The following PDE7A variants were observed in gnomAD, a reference collection of about 807,000 sequenced individuals.
PDE7A encodes high affinity 3',5'-cyclic-AMP phosphodiesterase 7A.
PDE7A carries 39 observed loss-of-function variants against 64.3 expected under a neutral mutation model. That is an observed-to-expected ratio of 0.61 (90% CI 0.47 to 0.79). The LOEUF (loss-of-function observed/expected upper bound fraction) is 0.79, where lower values mean the gene tolerates loss of function less well. PDE7A is among the 30% of genes least tolerant of loss of function. PDE7A has a pLI of 0.00. For missense variants in PDE7A, 470 were observed against 582.8 expected, an observed-to-expected ratio of 0.81 and a Z score of 1.99; for synonymous variants, 203 against 206.8, an observed-to-expected ratio of 0.98 and a Z score of 0.16.
intron 3 of PDE7A, among the ~76,000 whole-genome samples, chr8:65,771,586 G>A (rs1030979727): frequency 4.6e-5 from 7 of 152,036 alleles, no homozygotes; most frequent in East Asian, 1.9e-4. Flanking sequence ...CTGGCTGGGC[G>A]CACGCAGTGG....
rs190662213 is a variant in PDE7A at position 65,780,098 on chromosome 8, C to T, written c.200-295G>A. ...AGGATTCAAGTGTATGATAAGATGA[C>T]CTAATATATTATTCACATGGGCAAC... is the stretch of plus-strand genomic sequence containing the variant. On this transcript the variant is annotated intron_variant, in intron 2 of 12. Transcript: ENST00000401827. Among the ~76,000 whole-genome samples, 8 of 150,984 alleles carry T rather than the reference C, an allele frequency of 5.3e-5. No homozygotes were observed. In the East Asian group the frequency reaches 1.4e-3, roughly 26 times the overall value.
intron 1 of PDE7A, among the ~76,000 whole-genome samples, chr8:65,794,727 T>A (rs748599107): frequency 3.0e-4 from 46 of 152,206 alleles, no homozygotes; most frequent in Admixed American, 1.2e-3. Context: ...GAGATTGAGA[T>A]CTTCACTGTG....
intron 1 of PDE7A, among the ~76,000 whole-genome samples, chr8:65,836,361 T>C (rs1344807919): frequency 6.6e-6 from 1 of 152,242 alleles, no homozygotes. Context: ...TCTTGCTTAC[T>C]GCAATTTAAA....
At chr8:65,810,265 C>G (rs1377429267) in intron 1 of PDE7A, among the ~76,000 whole-genome samples, 1 of 150,198 alleles carries the variant, frequency 6.7e-6, no homozygotes, top group Admixed American at 6.7e-5. Context: ...CCAAACACCG[C>G]ATGTTCTCAC....
chr8:65,716,200 A>T lies in PDE7A; in HGVS notation c.*3090T>A, dbSNP rs1806139608. 6.6e-6 allele frequency among the ~76,000 whole-genome samples: 1 copy of T among 151,688 alleles called. No individual in the cohort carries two copies. Among genetic ancestry groups the T allele is most frequent in the Non-Finnish European group, 1.5e-5 (1 of 67,942 alleles). On this transcript the variant is annotated 3_prime_UTR_variant, in exon 13 of 13. Transcript: ENST00000401827. ...TAGAAGGTGATTCCCACATATACAT[A>T]ATAAAACAACTTTTCAATGGGTTTA...
At chr8:65,776,967 T>C (rs1809276871) in intron 3 of PDE7A, among the ~76,000 whole-genome samples, 1 of 152,188 alleles carries the variant, frequency 6.6e-6, no homozygotes, top group Non-Finnish European at 1.5e-5. Context: ...GCATTAAATA[T>C]GATGTTTGCT....
intron 1 of PDE7A, among the ~76,000 whole-genome samples, chr8:65,808,366 G>A (rs1016679461): frequency 1.3e-5 from 2 of 152,036 alleles, no homozygotes; most frequent in African/African-American, 4.8e-5. Flanking sequence ...ACAAAATACT[G>A]TATATATCTG....
At chr8:65,789,670 G>A (rs185855422) in intron 1 of PDE7A, among the ~76,000 whole-genome samples, 110 of 152,212 alleles carry the variant, frequency 7.2e-4, no homozygotes, top group African/African-American at 2.3e-3. Context: ...TCTTGTTCTC[G>A]CGGCTGTAAG....
intron 3 of PDE7A, among the ~76,000 whole-genome samples, chr8:65,759,016 C>A (rs1439816076): frequency 6.6e-6 from 1 of 152,250 alleles, no homozygotes; most frequent in East Asian, 1.9e-4. Flanking sequence ...GCAAAAGGAA[C>A]ATGTCTTGAC....
At position 65,812,200 on chromosome 8, in the gene PDE7A, G is replaced by A. The variant is rs1377137478; in HGVS notation, c.138+29171C>T. On this transcript the variant is annotated intron_variant, in intron 1 of 12. Transcript: ENST00000401827. The stretch of plus-strand genomic sequence containing the variant: ...CCAGCCTGGGTGACAGCGCGAGACC[G>A]TTTCAAAAACAGAAAAAAAAAAAAA... 6.3e-5 allele frequency among the ~76,000 whole-genome samples: 9 copies of A among 143,290 alleles called. No homozygotes were observed. The East Asian group carries it at 8.3e-4, about 13-fold the overall frequency. The allele number at this position is 143,290 out of a possible 152,430, so 94.0% of individuals were successfully genotyped here.
At position 65,716,968 on chromosome 8, in the gene PDE7A, A is replaced by C. The variant is rs1312071889; in HGVS notation, c.*2322T>G. On this transcript the variant is annotated 3_prime_UTR_variant, in exon 13 of 13. Transcript: ENST00000401827. ...TGGGTGCCTGAGATATGACTAGTCC[A>C]AATTGAGATGTGCTGTAAGTACACA... is the stretch of plus-strand genomic sequence containing the variant. 2.0e-5 allele frequency among the ~76,000 whole-genome samples: 3 copies of C among 152,212 alleles called. No individual in the cohort carries two copies. Among genetic ancestry groups the C allele is most frequent in the African/African-American group, 7.2e-5 (3 of 41,450 alleles).
intron 1 of PDE7A, among the ~76,000 whole-genome samples, chr8:65,807,531 CCTAACTGACTTGG>C (rs1563515036): frequency 6.6e-6 from 1 of 151,998 alleles, no homozygotes; most frequent in African/African-American, 2.4e-5. Flanking sequence ...ATTTTTCTTG[CCTAACTGACTTGG>C]CTAGAACCTT....
At chr8:65,780,015 A>C (rs1809368766) in intron 2 of PDE7A, among the ~76,000 whole-genome samples, 1 of 152,084 alleles carries the variant, frequency 6.6e-6, no homozygotes, top group Admixed American at 6.6e-5. Flanking sequence ...ATTTTTTTTA[A>C]ATCTACCCCT....
At chr8:65,774,091 T>C (rs562604121) in intron 3 of PDE7A, among the ~76,000 whole-genome samples, 1 of 152,290 alleles carries the variant, frequency 6.6e-6, no homozygotes, top group East Asian at 1.9e-4. Flanking sequence ...ACAACTAAGT[T>C]TCTTTCCCCT....
intron 1 of PDE7A, among the ~76,000 whole-genome samples, chr8:65,810,162 C>A (rs1473520663): frequency 1.3e-5 from 2 of 152,098 alleles, no homozygotes; most frequent in African/African-American, 4.8e-5. Flanking sequence ...GAATACTATG[C>A]AGCCACAAAA....
chr8:65,762,588 C>A (rs1808555983), intron 3 of PDE7A, among the ~76,000 whole-genome samples: 1 of 152,102 alleles, frequency 6.6e-6, no homozygotes, highest in Admixed American at 6.5e-5. Context: ...CCCCACAAGA[C>A]TGTTAAAGAT....
At chr8:65,799,052 A>C (rs1470127856) in intron 1 of PDE7A, among the ~76,000 whole-genome samples, 1 of 152,180 alleles carries the variant, frequency 6.6e-6, no homozygotes, top group East Asian at 1.9e-4. Context: ...ACTAATCAAT[A>C]GTGATAGAAG....
rs1431068705 is a variant in PDE7A at position 65,841,920 on chromosome 8, C to T, written c.-412G>A. 1.8e-5 allele frequency: 4 copies of T among 220,142 alleles called. No individual in the cohort carries two copies. 13.6% of individuals were successfully genotyped at this position (220,142 alleles called of 1,614,324 possible). A position where few individuals can be genotyped will look rare whatever the true frequency, so the allele number is the denominator to read the frequency against. ...AAGAAAAGACAGCTGGAGCCAGCGGCCAGACCCAGGGCGCGCGGGACTCAG... is the reference window on the plus strand; with the variant it reads ...AAGAAAAGACAGCTGGAGCCAGCGGTCAGACCCAGGGCGCGCGGGACTCAG... On this transcript the variant is annotated 5_prime_UTR_variant, in exon 1 of 13. Transcript: ENST00000401827.
intron 1 of PDE7A, among the ~76,000 whole-genome samples, chr8:65,795,855 A>G (rs771191223): frequency 6.6e-6 from 1 of 152,158 alleles, no homozygotes; most frequent in African/African-American, 2.4e-5. Context: ...AAACAAACCC[A>G]AAAATGATTA....
Sources: gnomAD v4.1 joint callset for allele counts (sites outside exome capture counted in the v4.1 genomes callset) on GRCh38, gnomAD v4.1.1 for gene constraint, MANE v1.5 for transcripts, NCBI Gene and HGNC (gene_info 2026-07-23, HGNC 2026-07-21) for gene names.